Variants in LRPPRC observed in about 807,000 individuals in gnomAD.
The protein encoded by LRPPRC is leucine-rich PPR motif-containing protein, mitochondrial.
Under a neutral mutation model 180.3 loss-of-function variants are expected in LRPPRC, and 120 were observed. The observed-to-expected ratio is 0.67, with a 90% CI of 0.57 to 0.77. LRPPRC has a LOEUF of 0.77. Among genes scored for constraint, LRPPRC ranks in the 30% least tolerant of loss-of-function variants. The pLI is 0.00. For missense variants in LRPPRC, 2,012 were observed against 1,657.2 expected, an observed-to-expected ratio of 1.21 and a Z score of -3.72; for synonymous variants, 723 against 600.0, an observed-to-expected ratio of 1.21 and a Z score of -3.00.
chr2:43,995,220 C>A (rs539258041), intron 1 of LRPPRC, among the ~76,000 whole-genome samples: 7 of 152,134 alleles, frequency 4.6e-5, no homozygotes, highest in Non-Finnish European at 8.8e-5. Flanking sequence ...CAGCCCAACT[C>A]GCGCAACACC....
chr2:43,953,897 C>T (rs1003782829), intron 14 of LRPPRC, among the ~76,000 whole-genome samples: 2 of 152,088 alleles, frequency 1.3e-5, no homozygotes, highest in Admixed American at 1.3e-4. Flanking sequence ...ATGGCCAGGC[C>T]GGTGGTTCAT....
chr2:43,938,878 C>T (rs535651746), intron 23 of LRPPRC, among the ~76,000 whole-genome samples: 1 of 148,636 alleles, frequency 6.7e-6, no homozygotes, highest in South Asian at 2.1e-4. Flanking sequence ...GTTAAAACAA[C>T]CACGAGTGAC....
intron 11 of LRPPRC, among the ~76,000 whole-genome samples, chr2:43,968,226 A>C (rs1673644283): frequency 6.6e-6 from 1 of 152,214 alleles, no homozygotes; most frequent in South Asian, 2.1e-4. Flanking sequence ...TACACACTAG[A>C]AATGGAAATA....
chr2:43,982,972 A>T (rs1305609167), intron 1 of LRPPRC, among the ~76,000 whole-genome samples: 2 of 151,980 alleles, frequency 1.3e-5, no homozygotes, highest in East Asian at 3.8e-4. Flanking sequence ...AATAATTTCT[A>T]ATCTGTCTAA....
At chr2:43,912,403 A>C in intron 30 of LRPPRC, 29 bp downstream of exon 30, 2 of 1,594,678 alleles carry the variant, frequency 1.3e-6, no homozygotes. Flanking sequence ...TTTTTAAACA[A>C]GAGGTTTAAT....
chr2:43,941,879 TTAAAA>T (rs1282299356), intron 23 of LRPPRC, among the ~76,000 whole-genome samples: 1 of 142,536 alleles, frequency 7.0e-6, no homozygotes, highest in Middle Eastern at 3.4e-3. Flanking sequence ...AAAAACAGAA[TTAAAA>T]TAAAATAAAA....
At chr2:43,967,759 A>G (rs1233965011) in intron 11 of LRPPRC, among the ~76,000 whole-genome samples, 1 of 152,218 alleles carries the variant, frequency 6.6e-6, no homozygotes, top group African/African-American at 2.4e-5. Flanking sequence ...ATTTAAGAGA[A>G]CATGCATGTA....
intron 27 of LRPPRC, among the ~76,000 whole-genome samples, chr2:43,923,177 TAAAAAAAAAA>T (rs9309110): frequency 7.7e-6 from 1 of 130,570 alleles, no homozygotes; most frequent in Non-Finnish European, 1.6e-5. Flanking sequence ...TTTGTTTCTT[TAAAAAAAAAA>T]AAAAAAAAAG....
rs951926115 is a variant in LRPPRC at position 43,969,755 on chromosome 2, T to G, written c.1369+3852A>C. 2.0e-5 allele frequency among the ~76,000 whole-genome samples: 3 copies of G among 152,176 alleles called. No homozygotes were observed. In the East Asian group the frequency reaches 5.8e-4, roughly 29 times the overall value. ...GTCACGCAGGCTAGACTGCAGTGGCTACGATCAAGGCTCAATTGCTAAGCT... is the reference window on the plus strand; with the variant it reads ...GTCACGCAGGCTAGACTGCAGTGGCGACGATCAAGGCTCAATTGCTAAGCT... On this transcript the variant is annotated intron_variant, in intron 11 of 37. Transcript: ENST00000260665.
At chr2:43,935,806 A>T (rs1278009584) in intron 23 of LRPPRC, among the ~76,000 whole-genome samples, 1 of 152,204 alleles carries the variant, frequency 6.6e-6, no homozygotes, top group East Asian at 1.9e-4. Flanking sequence ...CAATGTTAGT[A>T]TGAGAAATAT....
intron 13 of LRPPRC, among the ~76,000 whole-genome samples, chr2:43,957,812 C>T (rs1673184864): frequency 6.6e-6 from 1 of 151,970 alleles, no homozygotes; most frequent in South Asian, 2.1e-4. Context: ...ACTGTAATAC[C>T]CTACAAGACT....
At chr2:43,901,873 G>A (rs1273985328) in intron 31 of LRPPRC, 3 of 234,728 alleles carry the variant, frequency 1.3e-5, no homozygotes, top group African/African-American at 4.6e-5. Flanking sequence ...CCAAAAATGT[G>A]TGACTTCTAT....
chr2:43,974,552 CATGTAAGA>C, intron 8 of LRPPRC, 54 bp downstream of exon 8: 1 of 1,170,476 alleles, frequency 8.5e-7, no homozygotes, highest in Non-Finnish European at 1.2e-6. Flanking sequence ...TCCTTTCCAT[CATGTAAGA>C]ATAGCAATTC....
Position 43,943,747 on chromosome 2 carries a change from A to C in LRPPRC, c.2444T>G (p.Leu815Arg), listed in dbSNP as rs1459456463. The C allele has an allele frequency of 1.2e-6, 2 of 1,613,538 alleles. No homozygotes were observed. Among genetic ancestry groups the C allele is most frequent in the South Asian group, 2.2e-5 (2 of 91,072 alleles). Residue 815 changes from leucine (L) to arginine (R), a missense_variant, in exon 23 of 38, where the codon CTA (leucine) becomes CGA (arginine). Physicochemically the swap from Leu to Arg is moderately radical, Grantham distance 102 (BLOSUM62 -2). Coordinates refer to ENST00000260665, the MANE Select transcript of LRPPRC (RefSeq NM_133259.4). ...GTTGGTGGATGGTTCTGCTAACCCT[A>C]GAGTCACGATGGCTTCATGCAACTG... ...VKQLHEAIVT[L>R]GLAEPSTNIS...
intron 27 of LRPPRC, among the ~76,000 whole-genome samples, chr2:43,922,559 A>T (rs1671735430): frequency 6.6e-6 from 1 of 152,218 alleles, no homozygotes; most frequent in Admixed American, 6.5e-5. Context: ...GGAGTTCGAG[A>T]CCATCCTGGC....
At chr2:43,977,342 T>G in intron 3 of LRPPRC, 66 bp from the exon 4 acceptor site, 1 of 1,266,612 alleles carries the variant, frequency 7.9e-7, no homozygotes, top group East Asian at 2.3e-5. Context: ...AAAGTGGACC[T>G]AAATTTAACA....
intron 31 of LRPPRC, chr2:43,901,830 A>G: frequency 3.4e-6 from 1 of 293,382 alleles, no homozygotes; most frequent in Non-Finnish European, 6.4e-6. Flanking sequence ...GTAAGTTCAA[A>G]TGAATACAAA....
intron 1 of LRPPRC, among the ~76,000 whole-genome samples, chr2:43,993,532 G>A (rs757354168): frequency 6.6e-6 from 1 of 152,134 alleles, no homozygotes. Context: ...GAAACTTCTA[G>A]AGTAAACAGA....
At chr2:43,980,531 C>A (rs9941657) in intron 2 of LRPPRC, among the ~76,000 whole-genome samples, 29,358 of 122,102 alleles carry the variant, frequency 0.24, 3,707 homozygotes, top group African/African-American at 0.4. Context: ...CCAGCCTAGA[C>A]AACAAGATCA....
Sources: allele counts gnomAD v4.1 joint callset (sites outside exome capture counted in the v4.1 genomes callset), GRCh38; gene constraint gnomAD v4.1.1; transcripts MANE v1.5; gene names NCBI Gene and HGNC (gene_info 2026-07-23, HGNC 2026-07-21).